Variants in VPS53 observed in about 807,000 individuals in gnomAD.
VPS53 encodes vacuolar protein sorting-associated protein 53 homolog.
In VPS53, 70 loss-of-function variants were observed where a neutral mutation model predicts 107.0. The ratio of observed to expected loss-of-function variants is 0.65; its 90% CI spans 0.54 to 0.80. VPS53 has a LOEUF of 0.80. Among genes scored for constraint, VPS53 ranks in the 30% least tolerant of loss-of-function variants. VPS53 has a pLI of 0.00. For synonymous variants in VPS53, 409 were observed against 393.3 expected (o/e 1.04, Z -0.47); for missense variants, 917 against 1,049.4 (o/e 0.87, Z 1.74).
chr17:614,590 T>C (rs1488248827), intron 11 of VPS53, among the ~76,000 whole-genome samples: 1 of 152,240 alleles, frequency 6.6e-6, no homozygotes, highest in Admixed American at 6.5e-5. Context: ...CGGGGGAATC[T>C]GTCACTGTCG....
intron 4 of VPS53, 131 bp from the exon 5 acceptor site, chr17:662,026 T>C (rs2143602440): frequency 1.3e-6 from 1 of 782,648 alleles, no homozygotes; most frequent in Non-Finnish European, 2.0e-6. Context: ...TGCCAACAAT[T>C]TTTCTGGACC....
In VPS53 at chr17:615,600, G is replaced by T. The variant is rs561750300; in HGVS notation, c.1116+7933C>A. 1.0e-3 allele frequency among the ~76,000 whole-genome samples: 154 copies of T among 152,322 alleles called. 1 individual carries two copies. The highest frequency in any genetic ancestry group is 3.5e-3 in the African/African-American group (144 of 41,564). On this transcript the variant is annotated intron_variant, in intron 11 of 21. Coordinates refer to ENST00000437048, the MANE Select transcript of VPS53 (RefSeq NM_001128159.3). ...CCTTGGCTGACATCTTACCTGTTTT[G>T]TGGCACCTTTCTGAGGAATTCAGTA...
intron 19 of VPS53, among the ~76,000 whole-genome samples, chr17:529,637 T>G (rs1909381374): frequency 6.6e-6 from 1 of 152,228 alleles, no homozygotes; most frequent in Non-Finnish European, 1.5e-5. Flanking sequence ...TCCTGTCATT[T>G]TAAAGGTCTT....
At position 586,304 on chromosome 17, in the gene VPS53, G is replaced by A; in HGVS notation, c.1279C>T (p.Pro427Ser). 1 of 1,614,064 alleles carries A rather than the reference G, an allele frequency of 6.2e-7. No individual in the cohort carries two copies. Among genetic ancestry groups the A allele is most frequent in the Non-Finnish European group, 8.5e-7 (1 of 1,179,948 alleles). ...GATTCGATATACACGTAGAGATGAG[G>A]CTCAAAACACTTGGAAACAATGCCA... ...FHGIVSKCFE[P>S]HLYVYIESQD... is the part of the protein sequence containing the mutation. The change falls in exon 13 of 22, where the codon CCT becomes TCT. Residue 427 changes from proline to serine, a missense_variant. Pro to Ser is a moderately conservative substitution (Grantham distance 74, BLOSUM62 -1). Coordinates refer to ENST00000437048, the MANE Select transcript of VPS53 (RefSeq NM_001128159.3).
intron 19 of VPS53, among the ~76,000 whole-genome samples, chr17:525,607 T>C (rs185814756): frequency 5.3e-5 from 8 of 152,012 alleles, no homozygotes; most frequent in African/African-American, 9.7e-5. Flanking sequence ...GGTGGGAAGA[T>C]GGCTTAAGCC....
chr17:659,095 CA>C (rs141529119), intron 5 of VPS53, among the ~76,000 whole-genome samples: 2 of 149,194 alleles, frequency 1.3e-5, no homozygotes, highest in African/African-American at 2.5e-5. Flanking sequence ...AAATTTGGGG[CA>C]AAAAAAATAA....
intron 19 of VPS53, among the ~76,000 whole-genome samples, chr17:525,035 T>A (rs78063761): frequency 6.6e-6 from 1 of 152,162 alleles, no homozygotes; most frequent in Non-Finnish European, 1.5e-5. Flanking sequence ...TACACGTCCA[T>A]TGACAGTGGA....
In VPS53 at chr17:515,494, G is replaced by A. The variant is rs564679673; in HGVS notation, c.*3634C>T. 279 of 152,162 alleles carry A rather than the reference G, an allele frequency of 1.8e-3. 2 individuals are homozygous for A. Among genetic ancestry groups the A allele is most frequent in the Non-Finnish European group, 3.2e-3 (215 of 68,052 alleles). 9.4% of individuals were successfully genotyped at this position (152,162 alleles called of 1,614,324 possible). ...GATCCACCTGCCTCGGCCTCCCAAA[G>A]TGCTGGGATTACCAGTGTGAGCCAC... On this transcript the variant is annotated 3_prime_UTR_variant, in exon 22 of 22. Transcript: ENST00000437048.
At chr17:540,229 G>A (rs1410720779) in intron 17 of VPS53, among the ~76,000 whole-genome samples, 2 of 151,988 alleles carry the variant, frequency 1.3e-5, no homozygotes, top group East Asian at 3.9e-4. Context: ...TGCTGCCCAG[G>A]CTGGAGTGCA....
intron 1 of VPS53, among the ~76,000 whole-genome samples, chr17:713,156 T>C (rs1356497904): frequency 6.6e-6 from 1 of 151,454 alleles, no homozygotes; most frequent in East Asian, 2.0e-4. Context: ...GAGCTACGAT[T>C]ATGCCACTGT....
At chr17:558,641 A>G (rs909195741) in intron 15 of VPS53, among the ~76,000 whole-genome samples, 2 of 151,608 alleles carry the variant, frequency 1.3e-5, no homozygotes, top group African/African-American at 2.4e-5. Context: ...TTCAAAAAAA[A>G]AGCAAAATTT....
intron 16 of VPS53, 39 bp from the exon 17 acceptor site, chr17:551,989 C>G: frequency 1.3e-6 from 2 of 1,526,518 alleles, no homozygotes; most frequent in Non-Finnish European, 1.8e-6. Flanking sequence ...CCCTTTCAAA[C>G]AACGGCCGTC....
At chr17:667,909 G>A (rs1005408989) in intron 4 of VPS53, among the ~76,000 whole-genome samples, 3 of 152,126 alleles carry the variant, frequency 2.0e-5, no homozygotes, top group African/African-American at 7.2e-5. Context: ...AACTGCACAC[G>A]CGAGGGATCT....
At chr17:655,814 A>G (rs1971165707) in intron 6 of VPS53, 24 bp downstream of exon 6, 3 of 1,598,758 alleles carry the variant, frequency 1.9e-6, no homozygotes, top group Non-Finnish European at 2.6e-6. Context: ...CGTGGCCCCA[A>G]AAGAGAAAGT....
chr17:647,749 T>C (rs1269722013), intron 7 of VPS53, among the ~76,000 whole-genome samples: 2 of 152,150 alleles, frequency 1.3e-5, no homozygotes, highest in African/African-American at 2.4e-5. Context: ...TGAGCACACG[T>C]TGCAACCTCC....
chr17:609,125 T>C (rs1191053534), intron 11 of VPS53, among the ~76,000 whole-genome samples: 1 of 152,144 alleles, frequency 6.6e-6, no homozygotes, highest in Non-Finnish European at 1.5e-5. Flanking sequence ...AGAACATTTT[T>C]CACCCCCAAA....
At chr17:598,636 A>G (rs1249070868) in intron 12 of VPS53, among the ~76,000 whole-genome samples, 6 of 129,262 alleles carry the variant, frequency 4.6e-5, no homozygotes, top group Non-Finnish European at 6.7e-5. Flanking sequence ...TGTGAGGAGC[A>G]CCTCTGCCCG....
At chr17:662,773 G>GAAAGAA (rs34869514) in intron 4 of VPS53, among the ~76,000 whole-genome samples, 2,146 of 55,948 alleles carry the variant, frequency 0.038, 45 homozygotes, top group East Asian at 0.089. Flanking sequence ...AAGAAAGAAA[G>GAAAGAA]AGAAAGAAAG....
At chr17:599,086 G>A (rs1376707051) in intron 12 of VPS53, among the ~76,000 whole-genome samples, 2 of 140,942 alleles carry the variant, frequency 1.4e-5, no homozygotes, top group Non-Finnish European at 3.1e-5. Context: ...GGGAAGTGAG[G>A]AGCCCCTCTG....
Sources: gnomAD v4.1 joint callset for allele counts (sites outside exome capture counted in the v4.1 genomes callset) on GRCh38, gnomAD v4.1.1 for gene constraint, MANE v1.5 for transcripts, NCBI Gene and HGNC (gene_info 2026-07-23, HGNC 2026-07-21) for gene names.